TUBA1C: variants seen among roughly 807,000 people sequenced by gnomAD.
TUBA1C encodes the protein tubulin alpha-1C chain.
TUBA1C carries 16 observed loss-of-function variants against 34.9 expected under a neutral mutation model. The observed-to-expected ratio is 0.46, with a 90% CI of 0.31 to 0.70. The LOEUF is 0.70. Ranked by LOEUF, TUBA1C falls within the 30% of genes least tolerant of loss-of-function variation. The pLI is 0.05. For synonymous variants in TUBA1C, 177 were observed against 215.9 expected (o/e 0.82, Z 1.58); for missense variants, 329 against 587.3 (o/e 0.56, Z 4.55).
intron 1 of TUBA1C, chr12:49,233,853 G>A (rs538577711): frequency 6.6e-6 from 1 of 152,416 alleles, no homozygotes; most frequent in Admixed American, 6.5e-5. Context: ...TCTGCTCAGT[G>A]CAGGGCAGCA....
chr12:49,254,099 G>A (rs1208955626), intron 1 of TUBA1C, among the ~76,000 whole-genome samples: 2 of 152,148 alleles, frequency 1.3e-5, no homozygotes, highest in East Asian at 3.9e-4. Context: ...ATCACCTGAG[G>A]TCGGGATTTC....
chr12:49,262,392 C>A (rs1592283710), upstream of TUBA1C, among the ~76,000 whole-genome samples: 2 of 127,300 alleles, frequency 1.6e-5, no homozygotes, highest in South Asian at 2.5e-4. Flanking sequence ...CAGAGTGAGA[C>A]CCTGTGTAAA....
chr12:49,260,896 A>AT (rs539420174), upstream of TUBA1C, among the ~76,000 whole-genome samples: 16 of 150,180 alleles, frequency 1.1e-4, no homozygotes, highest in Admixed American at 4.7e-4. Context: ...TGTCCAGCTA[A>AT]TTTTTTTTTT....
intron 1 of TUBA1C, among the ~76,000 whole-genome samples, chr12:49,235,233 A>T (rs1942541119): frequency 6.6e-6 from 1 of 151,144 alleles, no homozygotes; most frequent in African/African-American, 2.4e-5. Context: ...AAGGCAGTAT[A>T]GGTTGAAAAT....
chr12:49,253,931 G>A (rs1444120421), intron 1 of TUBA1C, among the ~76,000 whole-genome samples: 3 of 152,162 alleles, frequency 2.0e-5, no homozygotes, highest in Non-Finnish European at 2.9e-5. Flanking sequence ...CTGTGAGCAG[G>A]AATACAGAAC....
At chr12:49,246,289 A>G (rs1426835840) in intron 1 of TUBA1C, among the ~76,000 whole-genome samples, 2 of 151,848 alleles carry the variant, frequency 1.3e-5, no homozygotes, top group African/African-American at 4.8e-5. Context: ...CCTAATTGCC[A>G]CATACTTCTG....
chr12:49,254,629 T>C (rs1332415348), intron 1 of TUBA1C, among the ~76,000 whole-genome samples: 6 of 152,028 alleles, frequency 3.9e-5, no homozygotes, highest in Admixed American at 6.6e-5. Context: ...TGCAAGTGGA[T>C]ATGTTCTTGT....
chr12:49,238,710 C>T (rs932639156), intron 1 of TUBA1C, among the ~76,000 whole-genome samples: 2 of 152,136 alleles, frequency 1.3e-5, no homozygotes, highest in African/African-American at 4.8e-5. Context: ...CAAGGTCTCA[C>T]TGTGTTACCC....
intron 1 of TUBA1C, among the ~76,000 whole-genome samples, chr12:49,268,465 A>G (rs1409632791): frequency 3.1e-4 from 47 of 151,520 alleles, no homozygotes; most frequent in Non-Finnish European, 1.5e-5. Context: ...CTGATTTCAA[A>G]CTCCTGACCT....
At chr12:49,244,041 T>A (rs1276216202) in intron 1 of TUBA1C, among the ~76,000 whole-genome samples, 1 of 150,894 alleles carries the variant, frequency 6.6e-6, no homozygotes, top group Non-Finnish European at 1.5e-5. Flanking sequence ...TCCCAGCTAC[T>A]CGGGAGGCTG....
chr12:49,247,139 CAA>C (rs202143595), intron 1 of TUBA1C, among the ~76,000 whole-genome samples: 2 of 115,414 alleles, frequency 1.7e-5, no homozygotes. Context: ...GACTCCATCT[CAA>C]AAAAAAAAAA....
intron 1 of TUBA1C, among the ~76,000 whole-genome samples, chr12:49,248,272 T>C (rs1942694401): frequency 6.9e-6 from 1 of 144,300 alleles, no homozygotes. Context: ...AGACTCCGTC[T>C]CAAAAGTAAA....
rs778466570 is a variant in TUBA1C at position 49,265,172 on chromosome 12, A to C, written c.-10A>C. ...TCCTTCACCGCCGCAGACCCCTTCA[A>C]GTTCTAGTCATGGTGAGTGGGGTTC... On this transcript the variant is annotated 5_prime_UTR_variant, in exon 1 of 4. Coordinates refer to ENST00000301072, the MANE Select transcript of TUBA1C (RefSeq NM_032704.5). The C allele has an allele frequency of 6.2e-7, 1 of 1,602,340 alleles. No individual in the cohort carries two copies. The highest frequency in any genetic ancestry group is 1.1e-5 in the South Asian group (1 of 89,788).
At chr12:49,249,590 T>TTTTTTA (rs1942712190) in intron 1 of TUBA1C, among the ~76,000 whole-genome samples, 1 of 152,180 alleles carries the variant, frequency 6.6e-6, no homozygotes, top group African/African-American at 2.4e-5. Context: ...CTGGTCGTGG[T>TTTTTTA]GGCTCACACC....
At chr12:49,231,243 C>A (rs1358338051) in intron 1 of TUBA1C, among the ~76,000 whole-genome samples, 2 of 152,210 alleles carry the variant, frequency 1.3e-5, no homozygotes, top group Non-Finnish European at 2.9e-5. Context: ...TAGCTCACTA[C>A]AGCCTTAAAC....
chr12:49,257,611 G>A (rs1357819482), intron 1 of TUBA1C, among the ~76,000 whole-genome samples: 3 of 151,780 alleles, frequency 2.0e-5, no homozygotes, highest in East Asian at 1.9e-4. Context: ...AGACCCTCTC[G>A]CTACAAAAAA....
At chr12:49,228,022 T>C in exon 1 of TUBA1C, 2 of 1,535,686 alleles carry the variant, frequency 1.3e-6, no homozygotes, top group South Asian at 1.2e-5. Context: ...TGGAATTAGA[T>C]CCTTCAAATG....
intron 1 of TUBA1C, among the ~76,000 whole-genome samples, chr12:49,246,472 G>T (rs1024118671): frequency 4.6e-5 from 7 of 151,626 alleles, no homozygotes; most frequent in African/African-American, 1.7e-4. Flanking sequence ...GAGGTCAGGA[G>T]ATCCAGATCA....
Position 49,265,149 on chromosome 12 carries a change from C to A in TUBA1C, c.-33C>A. On this transcript the variant is annotated 5_prime_UTR_variant, in exon 1 of 4. Coordinates refer to ENST00000301072, the MANE Select transcript of TUBA1C (RefSeq NM_032704.5). ...ATCCTTGTTGCCGTCCCTTCGCCTCCTTCACCGCCGCAGACCCCTTCAAGT... is the reference window on the plus strand; with the variant it reads ...ATCCTTGTTGCCGTCCCTTCGCCTCATTCACCGCCGCAGACCCCTTCAAGT... 1 of 1,598,776 alleles carries A rather than the reference C, an allele frequency of 6.3e-7. No individual in the cohort carries two copies. The highest frequency in any genetic ancestry group is 8.5e-7 in the Non-Finnish European group (1 of 1,169,702).
Sources: gnomAD v4.1 joint callset for allele counts (sites outside exome capture counted in the v4.1 genomes callset) on GRCh38, gnomAD v4.1.1 for gene constraint, MANE v1.5 for transcripts, NCBI Gene and HGNC (gene_info 2026-07-23, HGNC 2026-07-21) for gene names.